LRP1B: variants seen among roughly 807,000 people sequenced by gnomAD.
LRP1B encodes the protein low-density lipoprotein receptor-related protein 1B.
Under a neutral mutation model 556.6 loss-of-function variants are expected in LRP1B, and 217 were observed. The observed-to-expected ratio is 0.39, with a 90% CI of 0.35 to 0.44. The LOEUF (loss-of-function observed/expected upper bound fraction) is 0.44, where lower values mean the gene tolerates loss of function less well. Ranked by LOEUF, LRP1B falls within the 20% of genes least tolerant of loss-of-function variation. The pLI, the probability that LRP1B is intolerant of heterozygous loss-of-function variation, is 1.00. For synonymous variants in LRP1B, 2,047 were observed against 1,865.8 expected (o/e 1.10, Z -2.50); for missense variants, 5,053 against 5,620.8 (o/e 0.90, Z 3.23).
chr2:141,606,268 T>A lies in LRP1B; in HGVS notation c.206-125735A>T, dbSNP rs191804472. ...TATTTATCAGATTGAACACTGAAAATAATTTATGGGTCCAAATGAAGTAAC... is the reference window on the plus strand; with the variant it reads ...TATTTATCAGATTGAACACTGAAAAAAATTTATGGGTCCAAATGAAGTAAC... On this transcript the variant is annotated intron_variant, in intron 2 of 90. Coordinates refer to ENST00000389484, the MANE Select transcript of LRP1B (RefSeq NM_018557.3). Among the ~76,000 whole-genome samples, 46 of 152,322 alleles carry A rather than the reference T, an allele frequency of 3.0e-4. No homozygotes were observed. The East Asian group carries it at 8.9e-3, about 29-fold the overall frequency.
intron 2 of LRP1B, among the ~76,000 whole-genome samples, chr2:141,690,396 A>AATATATAT (rs762453747): frequency 1.8e-3 from 47 of 26,734 alleles, no homozygotes; most frequent in African/African-American, 3.3e-3. Context: ...TACATCTATA[A>AATATATAT]ATATATATAT....
At chr2:141,919,052 A>G (rs1373592215) in intron 1 of LRP1B, among the ~76,000 whole-genome samples, 1 of 152,116 alleles carries the variant, frequency 6.6e-6, no homozygotes, top group African/African-American at 2.4e-5. Context: ...GATGATCAAT[A>G]TGCAGCTTTA....
chr2:142,033,152 C>T (rs1293849441), intron 1 of LRP1B, among the ~76,000 whole-genome samples: 2 of 151,786 alleles, frequency 1.3e-5, no homozygotes, highest in Non-Finnish European at 2.9e-5. Context: ...TCTCCAGCTG[C>T]TAAGATGTTG....
At chr2:140,974,964 A>G (rs1696547350) in intron 18 of LRP1B, among the ~76,000 whole-genome samples, 1 of 152,184 alleles carries the variant, frequency 6.6e-6, no homozygotes, top group Non-Finnish European at 1.5e-5. Flanking sequence ...TGGCCCTTTT[A>G]CCTGTATCTA....
chr2:140,324,355 C>A (rs1432890380), intron 80 of LRP1B, among the ~76,000 whole-genome samples: 1 of 151,956 alleles, frequency 6.6e-6, no homozygotes, highest in Non-Finnish European at 1.5e-5. Flanking sequence ...GCAGACTAAT[C>A]CTCTCTGCTA....
rs549892204 is a variant in LRP1B at position 140,640,840 on chromosome 2, T to G, written c.6800-39201A>C. On this transcript the variant is annotated intron_variant, in intron 41 of 90. Coordinates refer to ENST00000389484, the MANE Select transcript of LRP1B (RefSeq NM_018557.3). ...GCCCATAAGAGAGCCTGACACAGGCTCAGTAAGTATTTGTTGAATGAATAA... is the reference window on the plus strand; with the variant it reads ...GCCCATAAGAGAGCCTGACACAGGCGCAGTAAGTATTTGTTGAATGAATAA... Among the ~76,000 whole-genome samples, 5 of 152,226 alleles carry G rather than the reference T, an allele frequency of 3.3e-5. No homozygotes were observed. In the East Asian group the frequency reaches 9.7e-4, roughly 29 times the overall value.
chr2:141,207,350 C>T (rs1682331594), intron 6 of LRP1B, among the ~76,000 whole-genome samples: 1 of 152,100 alleles, frequency 6.6e-6, no homozygotes, highest in Admixed American at 6.6e-5. Context: ...CTCACAACTC[C>T]AAACAAATAA....
Position 140,775,574 on chromosome 2 carries a change from T to C in LRP1B, c.5500+524A>G, listed in dbSNP as rs1489672027. ...AGATGTGGGGCTGTACTGGCTGCCA[T>C]CTCTAATCCATTTGCCATTTGGGTA... On this transcript the variant is annotated intron_variant, in intron 33 of 90. Coordinates refer to ENST00000389484, the MANE Select transcript of LRP1B (RefSeq NM_018557.3). 2.0e-5 allele frequency among the ~76,000 whole-genome samples: 3 copies of C among 149,612 alleles called. No individual in the cohort carries two copies. The Admixed American group carries it at 2.0e-4, about 10-fold the overall frequency.
intron 6 of LRP1B, among the ~76,000 whole-genome samples, chr2:141,207,800 C>T (rs147943653): frequency 0.032 from 4,815 of 152,232 alleles, 269 homozygotes; most frequent in African/African-American, 0.11. Flanking sequence ...CTCAGCCTCC[C>T]GAGTAGCTGG....
intron 17 of LRP1B, among the ~76,000 whole-genome samples, chr2:140,983,448 T>A (rs969223749): frequency 6.6e-6 from 1 of 152,156 alleles, no homozygotes; most frequent in Admixed American, 6.6e-5. Flanking sequence ...CAACACACTT[T>A]GTGAACTTGG....
At chr2:140,879,092 C>G (rs983895015) in intron 25 of LRP1B, among the ~76,000 whole-genome samples, 1 of 151,866 alleles carries the variant, frequency 6.6e-6, no homozygotes. Context: ...GATAAGCCAC[C>G]AATAGATGTA....
chr2:141,993,556 G>A (rs966886333), intron 1 of LRP1B, among the ~76,000 whole-genome samples: 1 of 152,114 alleles, frequency 6.6e-6, no homozygotes, highest in Non-Finnish European at 1.5e-5. Flanking sequence ...GATATCACAT[G>A]GAGCTGATAG....
At chr2:140,719,044 G>A (rs1415090595) in intron 35 of LRP1B, among the ~76,000 whole-genome samples, 1 of 151,954 alleles carries the variant, frequency 6.6e-6, no homozygotes, top group East Asian at 1.9e-4. Context: ...TTATATATTT[G>A]TTGGTTTGTT....
At chr2:141,963,559 A>G (rs867543935) in intron 1 of LRP1B, among the ~76,000 whole-genome samples, 2 of 151,360 alleles carry the variant, frequency 1.3e-5, no homozygotes, top group Non-Finnish European at 2.9e-5. Context: ...CATGCTAAAA[A>G]CTCTCAATAA....
In LRP1B at chr2:140,334,435, G is replaced by C. The variant is rs201489208; in HGVS notation, c.12223+18C>G. On this transcript the variant is annotated intron_variant, in intron 79 of 90. Coordinates refer to ENST00000389484, the MANE Select transcript of LRP1B (RefSeq NM_018557.3). ...TTGTCATTCTGCTTCATATTTTAGC[G>C]TGTGTCAGAAATCATACCTGTGGGT... 1 of 1,417,152 alleles carries C rather than the reference G, an allele frequency of 7.1e-7. No homozygotes were observed. The highest frequency in any genetic ancestry group is 1.0e-6 in the Non-Finnish European group (1 of 1,001,364). 87.8% of individuals were successfully genotyped at this position (1,417,152 alleles called of 1,614,324 possible). A position where few individuals can be genotyped will look rare whatever the true frequency, so the allele number is the denominator to read the frequency against.
intron 2 of LRP1B, among the ~76,000 whole-genome samples, chr2:141,584,647 C>T (rs1316351699): frequency 2.6e-5 from 4 of 152,122 alleles, no homozygotes; most frequent in Admixed American, 6.6e-5. Context: ...CACCTTCAAA[C>T]ACACACACAA....
chr2:140,260,732 A>G (rs1228335690), intron 86 of LRP1B, among the ~76,000 whole-genome samples: 6 of 151,952 alleles, frequency 3.9e-5, no homozygotes, highest in Non-Finnish European at 1.5e-5. Context: ...CCATCATCTC[A>G]GGAAGGCTTT....
At chr2:141,418,544 T>C (rs916092122) in intron 3 of LRP1B, among the ~76,000 whole-genome samples, 2 of 151,938 alleles carry the variant, frequency 1.3e-5, no homozygotes, top group African/African-American at 4.8e-5. Flanking sequence ...CATTTGAGTA[T>C]GTGTGGGTTT....
chr2:141,808,391 G>A (rs1424024231), intron 2 of LRP1B, among the ~76,000 whole-genome samples: 1 of 152,058 alleles, frequency 6.6e-6, no homozygotes, highest in African/African-American at 2.4e-5. Context: ...AGCTAAAGAG[G>A]AGAGAATTTC....
Sources: allele counts gnomAD v4.1 joint callset (sites outside exome capture counted in the v4.1 genomes callset), GRCh38; gene constraint gnomAD v4.1.1; transcripts MANE v1.5; gene names NCBI Gene and HGNC (gene_info 2026-07-23, HGNC 2026-07-21).